The following IFI44 variants were observed in gnomAD, a reference collection of about 807,000 sequenced individuals.
IFI44 encodes interferon induced protein 44.
In IFI44, 42 loss-of-function variants were observed where a neutral mutation model predicts 45.0. That is an observed-to-expected ratio of 0.93 (90% CI 0.73 to 1.21). The LOEUF (loss-of-function observed/expected upper bound fraction) is 1.21, where lower values mean the gene tolerates loss of function less well. Among genes scored for constraint, IFI44 ranks in the 50% most tolerant of loss-of-function variants. The probability of loss-of-function intolerance (pLI) is 0.00; values close to 1 mark genes in which losing one functional copy is unlikely to be tolerated. For missense variants in IFI44, 623 were observed against 525.8 expected (o/e 1.18, Z -1.81); for synonymous variants, 221 against 188.6 (o/e 1.17, Z -1.41).
intron 2 of IFI44, among the ~76,000 whole-genome samples, chr1:78,653,378 T>C (rs997726775): frequency 6.6e-6 from 1 of 152,208 alleles, no homozygotes; most frequent in African/African-American, 2.4e-5. Flanking sequence ...GCTTTTCCAA[T>C]TGTTTGTACT....
At chr1:78,662,682 C>A in intron 7 of IFI44, 22 bp from the exon 8 acceptor site, 1 of 1,563,824 alleles carries the variant, frequency 6.4e-7, no homozygotes, top group Non-Finnish European at 8.8e-7. Flanking sequence ...TTTGCAATGT[C>A]TTTTTAATTT....
chr1:78,655,770 T>C (rs955808910), intron 5 of IFI44, among the ~76,000 whole-genome samples: 2 of 152,138 alleles, frequency 1.3e-5, no homozygotes, highest in African/African-American at 4.8e-5. Context: ...TAATTTTTCT[T>C]ATGTAAGAGG....
chr1:78,653,100 T>C (rs1647149784), intron 2 of IFI44, among the ~76,000 whole-genome samples: 2 of 152,104 alleles, frequency 1.3e-5, no homozygotes, highest in South Asian at 4.1e-4. Flanking sequence ...TCAATTACTA[T>C]ATTAATTTAT....
chr1:78,653,917 CT>C (rs1647163242), intron 2 of IFI44, among the ~76,000 whole-genome samples: 1 of 152,150 alleles, frequency 6.6e-6, no homozygotes, highest in African/African-American at 2.4e-5. Flanking sequence ...CTAGGCCTTG[CT>C]TCTTTTATTT....
In IFI44 at chr1:78,655,182, C is replaced by T. The variant is rs778288136; in HGVS notation, c.663C>T (p.Gly221=). The T allele has an allele frequency of 5.5e-5, 89 of 1,613,662 alleles. No individual in the cohort carries two copies. The highest frequency in any genetic ancestry group is 7.4e-5 in the Non-Finnish European group (87 of 1,179,790). Residue 221 remains glycine (G), a synonymous_variant, in exon 4 of 9, where the codon GGC becomes GGT. Coordinates refer to ENST00000370747, the MANE Select transcript of IFI44 (RefSeq NM_006417.5). ...QGHVTHQALV[G]TNTTGISEKY... Reference sequence around the variant, plus strand: ...ATGTAACGCATCAGGCTTTGGTGGGCACTAATACAACTGGGATATCTGAGA... The same window carrying T: ...ATGTAACGCATCAGGCTTTGGTGGGTACTAATACAACTGGGATATCTGAGA...
Position 78,663,981 on chromosome 1 carries a change from C to A in IFI44, c.*170C>A. ...AGTACTTGTAAATAACTAGAAATAACATGATTTAGTCATAATTGTGAAAAA... is the reference window on the plus strand; with the variant it reads ...AGTACTTGTAAATAACTAGAAATAAAATGATTTAGTCATAATTGTGAAAAA... On this transcript the variant is annotated 3_prime_UTR_variant, in exon 9 of 9. Transcript: ENST00000370747. The A allele has an allele frequency of 2.3e-6, 1 of 443,568 alleles. No individual in the cohort carries two copies. The highest frequency in any genetic ancestry group is 4.1e-5 in the Admixed American group (1 of 24,584). 27.5% of individuals were successfully genotyped at this position (443,568 alleles called of 1,614,324 possible).
intron 5 of IFI44, 79 bp downstream of exon 5, chr1:78,655,590 T>A: frequency 7.9e-7 from 1 of 1,264,590 alleles, no homozygotes. Context: ...GTTTATCTTC[T>A]TAAATTATAC....
intron 5 of IFI44, among the ~76,000 whole-genome samples, chr1:78,656,313 A>AT (rs1160281590): frequency 6.6e-6 from 1 of 152,206 alleles, no homozygotes; most frequent in Non-Finnish European, 1.5e-5. Context: ...CTAAGTATAT[A>AT]TTTTTTAAAC....
chr1:78,652,377 G>A (rs777625430), intron 2 of IFI44, among the ~76,000 whole-genome samples: 26 of 152,148 alleles, frequency 1.7e-4, no homozygotes, highest in Non-Finnish European at 3.1e-4. Flanking sequence ...CACCGTGCCC[G>A]GCTGGAATCT....
chr1:78,659,633 G>A, intron 6 of IFI44, 150 bp downstream of exon 6: 2 of 579,998 alleles, frequency 3.4e-6, no homozygotes, highest in Non-Finnish European at 6.0e-6. Flanking sequence ...ATGAAATTGA[G>A]CATTCATTGG....
At chr1:78,654,974 T>C (rs1161719269) in intron 3 of IFI44, 40 bp from the exon 4 acceptor site, 2 of 1,433,080 alleles carry the variant, frequency 1.4e-6, no homozygotes, top group Non-Finnish European at 1.9e-6. Flanking sequence ...TTTTGCGACC[T>C]AACCTCAGTC....
Position 78,655,506 on chromosome 1 carries a change from T to C in IFI44, c.835T>C (p.Tyr279His). The change falls in exon 5 of 9, where the codon TAC (tyrosine) becomes CAC (histidine). Residue 279 changes from tyrosine (Y) to histidine (H), a missense_variant. Tyr to His is a moderately conservative substitution (Grantham distance 83). Transcript: ENST00000370747. ...YILNGNIRDR[Y>H]QFNPMESIKL... Reference sequence around the variant, plus strand: ...CTTGAACGGTAACATTCGTGATAGATACCAGGTAATATTTGACTAATGAGA... The same window carrying C: ...CTTGAACGGTAACATTCGTGATAGACACCAGGTAATATTTGACTAATGAGA... 6.2e-7 allele frequency: 1 copy of C among 1,604,088 alleles called. No homozygotes were observed. The highest frequency in any genetic ancestry group is 1.1e-5 in the South Asian group (1 of 88,546).
At chr1:78,663,338 C>T (rs772893347) in intron 8 of IFI44, 38 of 985,162 alleles carry the variant, frequency 3.9e-5, no homozygotes, top group Non-Finnish European at 4.5e-5. Flanking sequence ...CATCTTAGTC[C>T]CTCTTCATGC....
At chr1:78,661,957 C>T (rs1251115523) in intron 7 of IFI44, among the ~76,000 whole-genome samples, 1 of 152,134 alleles carries the variant, frequency 6.6e-6, no homozygotes, top group African/African-American at 2.4e-5. Context: ...GGGCAAGGAA[C>T]ATTTGCATGA....
At position 78,663,675 on chromosome 1, in the gene IFI44, T is replaced by C. The variant is rs149647341; in HGVS notation, c.1289-90T>C. On this transcript the variant is annotated intron_variant, in intron 8 of 8. Coordinates refer to ENST00000370747, the MANE Select transcript of IFI44 (RefSeq NM_006417.5). ...CGTGTGCTCCTAATATTAGCGTTGGTTGAGATTTTCAGTGGTCCAATATTC... is the reference window on the plus strand; with the variant it reads ...CGTGTGCTCCTAATATTAGCGTTGGCTGAGATTTTCAGTGGTCCAATATTC... The C allele has an allele frequency of 2.2e-4, 337 of 1,551,024 alleles. No homozygotes were observed. The East Asian group carries it at 6.7e-3, about 31-fold the overall frequency.
At chr1:78,663,031 T>C in intron 8 of IFI44, 153 bp downstream of exon 8, 1 of 1,496,764 alleles carries the variant, frequency 6.7e-7, no homozygotes, top group Non-Finnish European at 8.9e-7. Flanking sequence ...GGATGCATTT[T>C]TCCCTCCTTG....
At position 78,650,261 on chromosome 1, in the gene IFI44, G is replaced by A; in HGVS notation, c.66G>A (p.Lys22=). 1 of 1,612,120 alleles carries A rather than the reference G, an allele frequency of 6.2e-7. No homozygotes were observed. Among genetic ancestry groups the A allele is most frequent in the East Asian group, 2.2e-5 (1 of 44,786 alleles). ...EKILQNHFGG[K]RLSLLYKGSV... ...TCCTGCAAAATCATTTTGGAGGGAA[G>A]CGGCTTAGCCTTCTCTATAAGGGTA... Residue 22 remains lysine (K), a synonymous_variant, in exon 2 of 9, where the codon AAG becomes AAA. Transcript: ENST00000370747.
At chr1:78,654,793 A>C (rs1478014036) in intron 3 of IFI44, among the ~76,000 whole-genome samples, 1 of 152,114 alleles carries the variant, frequency 6.6e-6, no homozygotes, top group Non-Finnish European at 1.5e-5. Flanking sequence ...CTAGTAATTT[A>C]AATCTGAAAG....
chr1:78,651,243 C>G (rs567146182), intron 2 of IFI44, among the ~76,000 whole-genome samples: 1 of 152,242 alleles, frequency 6.6e-6, no homozygotes, highest in South Asian at 2.1e-4. Context: ...TTACACAACT[C>G]ATTGTAATGT....
Sources: gnomAD v4.1 joint callset for allele counts (sites outside exome capture counted in the v4.1 genomes callset) on GRCh38, gnomAD v4.1.1 for gene constraint, MANE v1.5 for transcripts, NCBI Gene and HGNC (gene_info 2026-07-23, HGNC 2026-07-21) for gene names.